PDE11A: variants seen among roughly 807,000 people sequenced by gnomAD.
PDE11A encodes phosphodiesterase 11A.
PDE11A carries 100 observed loss-of-function variants against 100.5 expected under a neutral mutation model. That is an observed-to-expected ratio of 1.00 (90% confidence interval 0.85 to 1.18). The LOEUF is 1.18. Among genes scored for constraint, PDE11A ranks in the 50% most tolerant of loss-of-function variants. The pLI is 0.00. For synonymous variants in PDE11A, 381 were observed against 420.8 expected, an observed-to-expected ratio of 0.91 and a Z score of 1.16; for missense variants, 1,141 against 1,152.6, an observed-to-expected ratio of 0.99 and a Z score of 0.15.
rs116226400 is a variant in PDE11A at position 177,972,857 on chromosome 2, A to G, written c.1071+41445T>C. Among the ~76,000 whole-genome samples, 924 of 152,300 alleles carry G rather than the reference A, an allele frequency of 6.1e-3. 10 individuals are homozygous for G. The highest frequency in any genetic ancestry group is 0.021 in the African/African-American group (885 of 41,572). On this transcript the variant is annotated intron_variant, in intron 2 of 19. Transcript: ENST00000286063. ...AAATGGGACTAGGGTAGAGGTTGGT[A>G]GGCACTTAGGTGGGGAAGAAAAGCT...
chr2:177,859,004 C>T (rs1300541871), intron 5 of PDE11A, among the ~76,000 whole-genome samples: 1 of 151,946 alleles, frequency 6.6e-6, no homozygotes, highest in Non-Finnish European at 1.5e-5. Context: ...GAACAAAAAA[C>T]CAAACACCGC....
At chr2:178,076,573 T>C (rs555440068), upstream of PDE11A, among the ~76,000 whole-genome samples, 5 of 152,286 alleles carry the variant, frequency 3.3e-5, no homozygotes, top group South Asian at 1.0e-3. Flanking sequence ...CATCTCACAA[T>C]TTGGTATTAA....
chr2:177,810,907 T>C (rs556273889), intron 9 of PDE11A, among the ~76,000 whole-genome samples: 1 of 152,092 alleles, frequency 6.6e-6, no homozygotes, highest in Admixed American at 6.6e-5. Context: ...TTTGGGGAGG[T>C]AGAATAAAAG....
At chr2:177,634,629 C>T (rs1263046547) in intron 19 of PDE11A, among the ~76,000 whole-genome samples, 1 of 152,072 alleles carries the variant, frequency 6.6e-6, no homozygotes. Flanking sequence ...ACCTCGTGAT[C>T]CCCCCGCCTC....
intron 5 of PDE11A, among the ~76,000 whole-genome samples, chr2:177,863,810 C>T (rs1033868767): frequency 1.3e-5 from 2 of 151,920 alleles, no homozygotes. Context: ...AATACAACTA[C>T]CCTATGACCC....
chr2:177,669,492 C>T lies in PDE11A; in HGVS notation c.2562+1G>A. ...ACGTTATAATTAAAGGATGAACTCA[C>T]TGAAGGAGTGAGTTTGAGCTCTAAT... On this transcript the variant is annotated splice_donor_variant, in intron 18 of 19. Transcript: ENST00000286063. LOFTEE classifies it high-confidence loss of function. 1 of 1,201,336 alleles carries T rather than the reference C, an allele frequency of 8.3e-7. No homozygotes were observed. Among genetic ancestry groups the T allele is most frequent in the Non-Finnish European group, 1.2e-6 (1 of 803,254 alleles). 74.4% of individuals were successfully genotyped at this position (1,201,336 alleles called of 1,614,324 possible).
intron 10 of PDE11A, among the ~76,000 whole-genome samples, chr2:177,752,349 C>A (rs1051286227): frequency 6.6e-6 from 1 of 152,158 alleles, no homozygotes; most frequent in Non-Finnish European, 1.5e-5. Flanking sequence ...ATGGTAACAA[C>A]ATGAGCTTTG....
At chr2:177,767,591 T>A (rs2082257082) in intron 10 of PDE11A, among the ~76,000 whole-genome samples, 1 of 152,176 alleles carries the variant, frequency 6.6e-6, no homozygotes, top group Non-Finnish European at 1.5e-5. Context: ...TGGCTAACAT[T>A]AAAAAGCTTA....
intron 19 of PDE11A, among the ~76,000 whole-genome samples, chr2:177,637,113 C>T (rs564129171): frequency 2.0e-5 from 3 of 152,312 alleles, no homozygotes; most frequent in South Asian, 2.1e-4. Context: ...GGGCTAGGGC[C>T]GGGGCCTAAA....
At chr2:177,706,463 C>T (rs2081282068) in intron 13 of PDE11A, among the ~76,000 whole-genome samples, 1 of 152,100 alleles carries the variant, frequency 6.6e-6, no homozygotes, top group African/African-American at 2.4e-5. Context: ...AAATAAAAAA[C>T]AAGAAAAGAA....
chr2:177,817,022 C>G (rs1293557543), intron 8 of PDE11A, 101 bp from the exon 9 acceptor site: 1 of 755,836 alleles, frequency 1.3e-6, no homozygotes, highest in African/African-American at 1.7e-5. Flanking sequence ...AAAATACAAT[C>G]TTGTTGTACA....
At chr2:177,672,988 G>A (rs2080705786) in intron 17 of PDE11A, among the ~76,000 whole-genome samples, 1 of 152,158 alleles carries the variant, frequency 6.6e-6, no homozygotes, top group Non-Finnish European at 1.5e-5. Context: ...TACCTATATG[G>A]TTCTCTCACT....
At chr2:177,660,362 A>G (rs560154376) in intron 19 of PDE11A, among the ~76,000 whole-genome samples, 1 of 152,226 alleles carries the variant, frequency 6.6e-6, no homozygotes, top group East Asian at 1.9e-4. Context: ...AGCTAAATCA[A>G]TACCACAATG....
At chr2:178,077,486 G>T (rs2087222972), upstream of PDE11A, among the ~76,000 whole-genome samples, 1 of 151,950 alleles carries the variant, frequency 6.6e-6, no homozygotes, top group South Asian at 2.1e-4. Context: ...TTTAAATCCA[G>T]CTGCCTTCTC....
intron 1 of PDE11A, among the ~76,000 whole-genome samples, chr2:178,049,777 C>T (rs1372595955): frequency 8.5e-5 from 13 of 152,150 alleles, no homozygotes; most frequent in Non-Finnish European, 1.9e-4. Flanking sequence ...TGAGATCGAA[C>T]TGCAAGGCAG....
At position 177,837,234 on chromosome 2, in the gene PDE11A, G is replaced by C. The variant is rs138644753; in HGVS notation, c.1500+3017C>G. 4.1e-4 allele frequency among the ~76,000 whole-genome samples: 62 copies of C among 152,298 alleles called. 2 individuals are homozygous for C. Among genetic ancestry groups the C allele is most frequent in the South Asian group, 3.9e-3 (19 of 4,832 alleles). On this transcript the variant is annotated intron_variant, in intron 6 of 19. Coordinates refer to ENST00000286063, the MANE Select transcript of PDE11A (RefSeq NM_016953.4). Reference sequence around the variant, plus strand: ...TCTGGTATGCTTTGCATGTCTTTCTGTATGGTTCTATCAGAAAGAGAGGTA... The same window carrying C: ...TCTGGTATGCTTTGCATGTCTTTCTCTATGGTTCTATCAGAAAGAGAGGTA...
At chr2:177,666,101 A>C (rs1298447912) in intron 18 of PDE11A, among the ~76,000 whole-genome samples, 5 of 152,162 alleles carry the variant, frequency 3.3e-5, no homozygotes, top group Non-Finnish European at 5.9e-5. Context: ...TCCCAGCCTT[A>C]GGCAACCACT....
chr2:177,803,307 TAAC>T (rs146272694), intron 9 of PDE11A, among the ~76,000 whole-genome samples: 16 of 151,022 alleles, frequency 1.1e-4, no homozygotes, highest in African/African-American at 2.7e-4. Flanking sequence ...AAAAATCTCC[TAAC>T]AACAACAACA....
rs867467937 is a variant in PDE11A at position 177,660,093 on chromosome 2, T to C, written c.2646+3773A>G. ...TTTCTTTCTTTCTTTCTTTCTTTCTTTCTTTCTCTCTCTCTCTCTTTCTTT... is the reference window on the plus strand; with the variant it reads ...TTTCTTTCTTTCTTTCTTTCTTTCTCTCTTTCTCTCTCTCTCTCTTTCTTT... On this transcript the variant is annotated intron_variant, in intron 19 of 19. Coordinates refer to ENST00000286063, the MANE Select transcript of PDE11A (RefSeq NM_016953.4). Among the ~76,000 whole-genome samples the C allele has an allele frequency of 6.7e-4, 24 of 35,840 alleles. 1 individual carries two copies. The highest frequency in any genetic ancestry group is 8.9e-4 in the Non-Finnish European group (15 of 16,796). The allele number at this position is 35,840 out of a possible 152,430, so 23.5% of individuals were successfully genotyped here. A position where few individuals can be genotyped will look rare whatever the true frequency, so the allele number is the denominator to read the frequency against.
Sources: gnomAD v4.1 joint callset for allele counts (sites outside exome capture counted in the v4.1 genomes callset) on GRCh38, gnomAD v4.1.1 for gene constraint, MANE v1.5 for transcripts, NCBI Gene and HGNC (gene_info 2026-07-23, HGNC 2026-07-21) for gene names.